The following MGA variants were observed in gnomAD, a reference collection of about 807,000 sequenced individuals.
MGA encodes MAX gene-associated protein.
MGA carries 40 observed loss-of-function variants against 261.1 expected under a neutral mutation model. The ratio of observed to expected loss-of-function variants is 0.15; its 90% CI spans 0.12 to 0.20. The LOEUF (loss-of-function observed/expected upper bound fraction) is 0.20, where lower values mean the gene tolerates loss of function less well. Ranked by LOEUF, MGA falls within the 10% of genes least tolerant of loss-of-function variation. The probability of loss-of-function intolerance (pLI) is 1.00; values close to 1 mark genes in which losing one functional copy is unlikely to be tolerated. For synonymous variants in MGA, 1,302 were observed against 1,290.6 expected (o/e 1.01, Z -0.19); for missense variants, 3,397 against 3,630.5 (o/e 0.94, Z 1.65).
At chr15:41,671,592 G>A (rs1028294617) in intron 2 of MGA, among the ~76,000 whole-genome samples, 1 of 151,930 alleles carries the variant, frequency 6.6e-6, no homozygotes, top group African/African-American at 2.4e-5. Flanking sequence ...GCCTCCCAAA[G>A]TGTTGGAATT....
At chr15:41,632,505 C>G (rs983166542) in intron 1 of MGA, among the ~76,000 whole-genome samples, 5 of 152,160 alleles carry the variant, frequency 3.3e-5, no homozygotes, top group African/African-American at 1.2e-4. Context: ...AGCAGCGGGT[C>G]CATTGGCCGT....
In MGA at chr15:41,749,886, C is replaced by T; in HGVS notation, c.6279C>T (p.Ala2093=). Residue 2093 remains alanine, a synonymous_variant, in exon 17 of 24, where the codon GCC becomes GCT. Coordinates refer to ENST00000219905, the MANE Select transcript of MGA (RefSeq NM_001164273.2). Reference sequence around the variant, plus strand: ...AAGTTAGGACCATTTCTGAAAAAGCCAGTAATAAGACAGTCCAAAATTTAA... The same window carrying T: ...AAGTTAGGACCATTTCTGAAAAAGCTAGTAATAAGACAGTCCAAAATTTAA... 1 of 1,613,808 alleles carries T rather than the reference C, an allele frequency of 6.2e-7. No homozygotes were observed. Among genetic ancestry groups the T allele is most frequent in the Non-Finnish European group, 8.5e-7 (1 of 1,179,876 alleles).
At chr15:41,707,969 A>G in intron 6 of MGA, 110 bp downstream of exon 6, 1 of 1,410,240 alleles carries the variant, frequency 7.1e-7, no homozygotes, top group Non-Finnish European at 9.6e-7. Flanking sequence ...TTAGTCTAAG[A>G]TAGATCTTTT....
intron 9 of MGA, chr15:41,718,320 T>TATATAC (rs1491439160): frequency 1.0e-4 from 25 of 239,074 alleles, no homozygotes; most frequent in African/African-American, 3.3e-4. Context: ...TATATATATA[T>TATATAC]ACATATATAT....
At chr15:41,635,926 A>G (rs1057078162) in intron 1 of MGA, among the ~76,000 whole-genome samples, 5 of 152,148 alleles carry the variant, frequency 3.3e-5, no homozygotes, top group African/African-American at 1.2e-4. Flanking sequence ...TGCCAGTTGT[A>G]TAAAAATATA....
At chr15:41,670,012 G>A (rs1595637926) in intron 2 of MGA, 54 bp downstream of exon 2, 1 of 1,419,394 alleles carries the variant, frequency 7.0e-7, no homozygotes, top group East Asian at 2.3e-5. Flanking sequence ...AGATGGGCCA[G>A]GTGTTGGATT....
chr15:41,677,893 A>G (rs2058468630), intron 2 of MGA, among the ~76,000 whole-genome samples: 1 of 151,966 alleles, frequency 6.6e-6, no homozygotes, highest in African/African-American at 2.4e-5. Flanking sequence ...TTTCATTCTT[A>G]TATAGTGTGT....
chr15:41,668,692 T>C, intron 1 of MGA, 136 bp from the exon 2 acceptor site: 1 of 432,272 alleles, frequency 2.3e-6, no homozygotes, highest in Non-Finnish European at 4.1e-6. Flanking sequence ...AAGAAAAGCT[T>C]AGAAGCAAAG....
At chr15:41,624,611 C>T (rs1464197252) in intron 1 of MGA, among the ~76,000 whole-genome samples, 1 of 151,640 alleles carries the variant, frequency 6.6e-6, no homozygotes, top group East Asian at 1.9e-4. Context: ...CGGTGGGTGG[C>T]GTGAGCCACC....
At chr15:41,744,697 T>C (rs533069283) in intron 15 of MGA, among the ~76,000 whole-genome samples, 1 of 152,362 alleles carries the variant, frequency 6.6e-6, no homozygotes, top group East Asian at 1.9e-4. Flanking sequence ...CCTGTTTCTG[T>C]ACTCTTAATT....
chr15:41,764,873 A>T lies in MGA; in HGVS notation c.7745-13A>T. 1 of 1,613,118 alleles carries T rather than the reference A, an allele frequency of 6.2e-7. No individual in the cohort carries two copies. The highest frequency in any genetic ancestry group is 2.2e-5 in the East Asian group (1 of 44,852). ...GCCTTTTATCTATAACTAATTTCTG[A>T]TCTTTCTTACAGAAAATACCTCACC... On this transcript the variant is annotated splice_polypyrimidine_tract_variant and intron_variant, in intron 22 of 23. Coordinates refer to ENST00000219905, the MANE Select transcript of MGA (RefSeq NM_001164273.2).
intron 1 of MGA, among the ~76,000 whole-genome samples, chr15:41,632,501 G>A (rs1457123705): frequency 2.0e-5 from 3 of 152,098 alleles, no homozygotes; most frequent in Non-Finnish European, 4.4e-5. Flanking sequence ...CAGAAGCAGC[G>A]GGTCCATTGG....
chr15:41,761,972 T>A, intron 21 of MGA, 122 bp downstream of exon 21: 1 of 991,484 alleles, frequency 1.0e-6, no homozygotes, highest in Non-Finnish European at 1.5e-6. Flanking sequence ...AGCACAGTTA[T>A]CCTTTGACTG....
intron 1 of MGA, among the ~76,000 whole-genome samples, chr15:41,640,318 T>C (rs934909012): frequency 7.9e-5 from 12 of 152,174 alleles, no homozygotes; most frequent in African/African-American, 2.4e-4. Context: ...GGCCCTTATA[T>C]GCTAAGCTAA....
At chr15:41,644,877 T>C (rs2056904581) in intron 1 of MGA, among the ~76,000 whole-genome samples, 1 of 152,216 alleles carries the variant, frequency 6.6e-6, no homozygotes, top group South Asian at 2.1e-4. Context: ...GCAAACTTTT[T>C]CTGTAGAGGG....
At chr15:41,640,166 C>G (rs79047235) in intron 1 of MGA, among the ~76,000 whole-genome samples, 2 of 151,864 alleles carry the variant, frequency 1.3e-5, no homozygotes, top group East Asian at 3.8e-4. Flanking sequence ...TTATGGACTA[C>G]GAAGGCAGAG....
At chr15:41,641,487 C>CTTT (rs35157141) in intron 1 of MGA, among the ~76,000 whole-genome samples, 16 of 123,684 alleles carry the variant, frequency 1.3e-4, no homozygotes, top group African/African-American at 1.8e-4. Flanking sequence ...CATCCTAACA[C>CTTT]TTTTTTTTTT....
intron 14 of MGA, 128 bp from the exon 15 acceptor site, chr15:41,742,418 A>G (rs2062166664): frequency 2.6e-6 from 3 of 1,132,530 alleles, no homozygotes; most frequent in Non-Finnish European, 3.7e-6. Flanking sequence ...ATTGGCACAA[A>G]TAATACAGGT....
At chr15:41,632,524 A>G (rs921575924) in intron 1 of MGA, among the ~76,000 whole-genome samples, 2 of 152,208 alleles carry the variant, frequency 1.3e-5, no homozygotes, top group African/African-American at 4.8e-5. Context: ...GTAAAGATCC[A>G]GGGCTAAAAT....
Sources: allele counts gnomAD v4.1 joint callset (sites outside exome capture counted in the v4.1 genomes callset), GRCh38; gene constraint gnomAD v4.1.1; transcripts MANE v1.5; gene names NCBI Gene and HGNC (gene_info 2026-07-23, HGNC 2026-07-21).